ANKDD1B: variants seen among roughly 807,000 people sequenced by gnomAD.
The protein encoded by ANKDD1B is ankyrin repeat and death domain-containing protein 1B.
A neutral mutation model predicts 59.7 loss-of-function variants in ANKDD1B; 57 were observed. That is an observed-to-expected ratio of 0.95 (90% CI 0.77 to 1.19). ANKDD1B has a LOEUF of 1.19. Among genes scored for constraint, ANKDD1B ranks in the 50% most tolerant of loss-of-function variants. ANKDD1B has a pLI of 0.00. For synonymous variants in ANKDD1B, 216 were observed against 239.5 expected, an observed-to-expected ratio of 0.90 and a Z score of 0.91; for missense variants, 602 against 641.9, an observed-to-expected ratio of 0.94 and a Z score of 0.67.
chr5:75,650,593 A>C (rs1278121037), intron 7 of ANKDD1B, among the ~76,000 whole-genome samples: 2 of 152,186 alleles, frequency 1.3e-5, no homozygotes, highest in Non-Finnish European at 2.9e-5. Context: ...GAAAACTAAT[A>C]TAGGGGCCAT....
intron 12 of ANKDD1B, among the ~76,000 whole-genome samples, chr5:75,668,984 G>A (rs530624077): frequency 6.6e-6 from 1 of 152,302 alleles, no homozygotes; most frequent in South Asian, 2.1e-4. Context: ...CATTAAAATT[G>A]TTCCCCCTGG....
chr5:75,655,880 T>C (rs1280764352), intron 8 of ANKDD1B, 149 bp from the exon 9 acceptor site: 1 of 516,860 alleles, frequency 1.9e-6, no homozygotes, highest in Non-Finnish European at 3.4e-6. Context: ...TGACAATAAA[T>C]GCTGAACACT....
intron 7 of ANKDD1B, among the ~76,000 whole-genome samples, chr5:75,649,446 GTTTTC>G (rs1277661469): frequency 1.3e-5 from 2 of 151,958 alleles, no homozygotes; most frequent in South Asian, 2.1e-4. Context: ...CAATTTTGTG[GTTTTC>G]TTTTGGTATC....
rs957914901 is a variant in ANKDD1B, at chr5:75,669,252, G to A, written c.1394G>A (p.Gly465Glu). ...CTCGGACCTCTTGTGCTTGGCACAG[G>A]AAATGAAAGCTTCCGTGAACATGGC... ...QIRAIEEQWSGNESFREHGHR... is the reference protein window; with the variant it reads ...QIRAIEEQWSENESFREHGHR... The change falls in exon 13 of 14, where the codon GGA becomes GAA. Residue 465 changes from glycine (G) to glutamate (E), a missense_variant and splice_region_variant. Transcript: ENST00000601380. 1 of 1,232,106 alleles carries A rather than the reference G, an allele frequency of 8.1e-7. No individual in the cohort carries two copies. Among genetic ancestry groups the A allele is most frequent in the South Asian group, 4.1e-5 (1 of 24,308 alleles). 76.3% of individuals were successfully genotyped at this position (1,232,106 alleles called of 1,614,324 possible).
intron 3 of ANKDD1B, among the ~76,000 whole-genome samples, chr5:75,623,133 C>T (rs1242759236): frequency 1.3e-5 from 2 of 152,006 alleles, no homozygotes; most frequent in Admixed American, 6.5e-5. Flanking sequence ...GGCTAGAGTA[C>T]AACGGCGCAA....
intron 5 of ANKDD1B, among the ~76,000 whole-genome samples, chr5:75,633,197 G>T (rs1200560457): frequency 1.3e-5 from 2 of 152,072 alleles, no homozygotes; most frequent in Non-Finnish European, 2.9e-5. Context: ...TCTTTCCTTT[G>T]CCATTTCTTA....
intron 9 of ANKDD1B, among the ~76,000 whole-genome samples, chr5:75,658,295 ATGCCAT>A (rs1420347631): frequency 2.6e-5 from 4 of 152,210 alleles, no homozygotes; most frequent in Admixed American, 6.5e-5. Context: ...AGTGGGCCAC[ATGCCAT>A]TGCCCAGCTC....
chr5:75,659,330 A>G lies in ANKDD1B; in HGVS notation c.1044A>G (p.Glu348=). ...LHVAADRGNV[E]LVETLLKAGC... ...TAGCTGCTGATCGTGGAAATGTGGA[A>G]CTGGTGGAAACCCTGCTGAAGGCAG... The change falls in exon 10 of 14, where the codon GAA becomes GAG. Residue 348 remains glutamate, a synonymous_variant. Coordinates refer to ENST00000601380, the MANE Select transcript of ANKDD1B (RefSeq NM_001276713.2). The G allele has an allele frequency of 6.5e-7, 1 of 1,536,128 alleles. No homozygotes were observed. Among genetic ancestry groups the G allele is most frequent in the Non-Finnish European group, 8.7e-7 (1 of 1,146,904 alleles).
At chr5:75,622,865 G>A (rs548586254) in intron 3 of ANKDD1B, among the ~76,000 whole-genome samples, 1 of 152,244 alleles carries the variant, frequency 6.6e-6, no homozygotes, top group Non-Finnish European at 1.5e-5. Flanking sequence ...CCTGTGAGCG[G>A]TGATTCATTG....
At chr5:75,620,082 C>G (rs1022429387) in intron 2 of ANKDD1B, among the ~76,000 whole-genome samples, 1 of 152,184 alleles carries the variant, frequency 6.6e-6, no homozygotes, top group African/African-American at 2.4e-5. Flanking sequence ...ACAAGAATTT[C>G]ATCTTGCGGC....
Position 75,625,673 on chromosome 5 carries a change from A to G in ANKDD1B, c.423A>G (p.Ala141=). 6.5e-7 allele frequency: 1 copy of G among 1,536,464 alleles called. No homozygotes were observed. Among genetic ancestry groups the G allele is most frequent in the Non-Finnish European group, 8.7e-7 (1 of 1,146,992 alleles). Residue 141 remains alanine (A), a synonymous_variant, in exon 4 of 14, where the codon GCA becomes GCG. Transcript: ENST00000601380. ...DKHGLTVIHL[A]AWSGSLEVML... is the part of the protein sequence containing the mutation. Reference sequence around the variant, plus strand: ...ACGGCTTGACAGTAATTCACCTTGCAGCCTGGTCTGGGAGCCTTGAGGTCA... The same window carrying G: ...ACGGCTTGACAGTAATTCACCTTGCGGCCTGGTCTGGGAGCCTTGAGGTCA...
At chr5:75,649,882 T>TCCA (rs1443327780) in intron 7 of ANKDD1B, among the ~76,000 whole-genome samples, 2 of 152,232 alleles carry the variant, frequency 1.3e-5, no homozygotes, top group Admixed American at 6.5e-5. Flanking sequence ...CAATTGATTG[T>TCCA]CCACCACCAC....
chr5:75,626,738 T>C (rs1774004727), intron 5 of ANKDD1B, among the ~76,000 whole-genome samples: 1 of 152,028 alleles, frequency 6.6e-6, no homozygotes, highest in South Asian at 2.1e-4. Context: ...GTATTGGTCA[T>C]GTCAGGGACT....
At position 75,671,374 on chromosome 5, in the gene ANKDD1B, G is replaced by C. The variant is rs6893029; in HGVS notation, c.*334G>C. 0.25 allele frequency: 44,645 copies of C among 176,018 alleles called. 6,877 individuals carry two copies. Among genetic ancestry groups the C allele is most frequent in the East Asian group, 0.43 (3,010 of 7,010 alleles). 10.9% of individuals were successfully genotyped at this position (176,018 alleles called of 1,614,324 possible). On this transcript the variant is annotated 3_prime_UTR_variant, in exon 14 of 14. Transcript: ENST00000601380. ...GCATCATGGTACAGTAAAAAAACAA[G>C]GGTTTTTATAATAGACAAATATGGT...
chr5:75,649,680 A>G (rs1774774851), intron 7 of ANKDD1B, among the ~76,000 whole-genome samples: 1 of 152,214 alleles, frequency 6.6e-6, no homozygotes, highest in African/African-American at 2.4e-5. Context: ...ATCTCAGTTT[A>G]AATGTCACCT....
Position 75,671,302 on chromosome 5 carries a change from T to C in ANKDD1B, c.*262T>C, listed in dbSNP as rs1259898507. The C allele has an allele frequency of 1.5e-5, 4 of 275,764 alleles. No homozygotes were observed. The highest frequency in any genetic ancestry group is 2.7e-5 in the Non-Finnish European group (4 of 148,612). The allele number at this position is 275,764 out of a possible 1,614,324, so 17.1% of individuals were successfully genotyped here. A position where few individuals can be genotyped will look rare whatever the true frequency, so the allele number is the denominator to read the frequency against. On this transcript the variant is annotated 3_prime_UTR_variant, in exon 14 of 14. Coordinates refer to ENST00000601380, the MANE Select transcript of ANKDD1B (RefSeq NM_001276713.2). ...ATGTAATCCATGTAATAAGATAATC[T>C]AGGACGGTTTTGTATGTCATGTTTT...
At chr5:75,651,056 G>A (rs184892663) in intron 7 of ANKDD1B, among the ~76,000 whole-genome samples, 3 of 152,322 alleles carry the variant, frequency 2.0e-5, no homozygotes, top group Middle Eastern at 3.4e-3. Context: ...CATTACAAAA[G>A]GCAGAGAGCA....
At chr5:75,612,139 A>T (rs562440711) in intron 1 of ANKDD1B, among the ~76,000 whole-genome samples, 42 of 152,318 alleles carry the variant, frequency 2.8e-4, no homozygotes, top group African/African-American at 9.9e-4. Flanking sequence ...CTTATCTCCT[A>T]TATCGTGACT....
In ANKDD1B at chr5:75,625,610, G is replaced by C. The variant is rs765339071; in HGVS notation, c.397-37G>C. ...GGCAGTATATGGCTGCAGCTTGTCA[G>C]AGTGATAGATTCTCTTTTTCTGTCT... On this transcript the variant is annotated intron_variant, in intron 3 of 13. Coordinates refer to ENST00000601380, the MANE Select transcript of ANKDD1B (RefSeq NM_001276713.2). 2.9e-5 allele frequency: 44 copies of C among 1,496,702 alleles called. No homozygotes were observed. In the African/African-American group the frequency reaches 5.4e-4, roughly 18 times the overall value. 92.7% of individuals were successfully genotyped at this position (1,496,702 alleles called of 1,614,324 possible).
Sources: allele counts gnomAD v4.1 joint callset (sites outside exome capture counted in the v4.1 genomes callset), GRCh38; gene constraint gnomAD v4.1.1; transcripts MANE v1.5; gene names NCBI Gene and HGNC (gene_info 2026-07-23, HGNC 2026-07-21).